ADCY9: variants seen among roughly 807,000 people sequenced by gnomAD.
ADCY9 encodes the protein adenylate cyclase type 9.
A neutral mutation model predicts 101.5 loss-of-function variants in ADCY9; 50 were observed. The observed-to-expected ratio is 0.49, with a 90% CI of 0.39 to 0.62. ADCY9 has a LOEUF of 0.62. Ranked by LOEUF, ADCY9 falls within the 20% of genes least tolerant of loss-of-function variation. The probability of loss-of-function intolerance (pLI) is 0.00; values close to 1 mark genes in which losing one functional copy is unlikely to be tolerated. For synonymous variants in ADCY9, 905 were observed against 769.3 expected, an observed-to-expected ratio of 1.18 and a Z score of -2.92; for missense variants, 1,662 against 1,800.4, an observed-to-expected ratio of 0.92 and a Z score of 1.39.
chr16:4,093,983 G>T (rs1055845158), intron 2 of ADCY9, among the ~76,000 whole-genome samples: 1 of 152,114 alleles, frequency 6.6e-6, no homozygotes, highest in Non-Finnish European at 1.5e-5. Flanking sequence ...CTGGAGCTAT[G>T]AAAGCAAACA....
intron 2 of ADCY9, among the ~76,000 whole-genome samples, chr16:4,022,381 C>T (rs1262236314): frequency 6.6e-6 from 1 of 151,050 alleles, no homozygotes; most frequent in Admixed American, 6.7e-5. Context: ...ATCACAGTTC[C>T]TCAGGAGGCT....
intron 2 of ADCY9, among the ~76,000 whole-genome samples, chr16:4,113,130 T>C (rs1469428362): frequency 1.3e-5 from 2 of 151,794 alleles, no homozygotes; most frequent in East Asian, 3.9e-4. Context: ...TAAAATATCC[T>C]TAAACAAATG....
downstream of ADCY9, among the ~76,000 whole-genome samples, chr16:3,957,778 C>T (rs983841567): frequency 6.6e-6 from 1 of 152,088 alleles, no homozygotes. Flanking sequence ...CCCCGGGCGT[C>T]CTGAGCAGAG....
At chr16:4,075,175 C>CTA (rs34498621) in intron 2 of ADCY9, among the ~76,000 whole-genome samples, 98,528 of 151,388 alleles carry the variant, frequency 0.65, 33,956 homozygotes, top group East Asian at 0.89. Flanking sequence ...AGACCTGTTA[C>CTA]TATATATATA....
rs575592904 is a variant in ADCY9 at position 3,973,689 on chromosome 16, C to T, written c.2870+980G>A. Reference sequence around the variant, plus strand: ...ACAATTTTTTGCCAAAACAGGATTTCGCTATGTTGCCCAGGCTGGTCTAGA... The same window carrying T: ...ACAATTTTTTGCCAAAACAGGATTTTGCTATGTTGCCCAGGCTGGTCTAGA... On this transcript the variant is annotated intron_variant, in intron 10 of 10. Coordinates refer to ENST00000294016, the MANE Select transcript of ADCY9 (RefSeq NM_001116.4). Among the ~76,000 whole-genome samples, 19 of 150,546 alleles carry T rather than the reference C, an allele frequency of 1.3e-4. No individual in the cohort carries two copies. The East Asian group carries it at 2.6e-3, about 20-fold the overall frequency.
chr16:4,063,746 A>T (rs1373466121), intron 2 of ADCY9, among the ~76,000 whole-genome samples: 1 of 151,780 alleles, frequency 6.6e-6, no homozygotes, highest in African/African-American at 2.4e-5. Flanking sequence ...TTTCCACCTT[A>T]AGAAACTATA....
rs142196348 is a variant in ADCY9, at chr16:4,051,169, C to T, written c.1694-43611G>A. Among the ~76,000 whole-genome samples, 13 of 151,790 alleles carry T rather than the reference C, an allele frequency of 8.6e-5. No individual in the cohort carries two copies. The South Asian group carries it at 1.7e-3, about 19-fold the overall frequency. The stretch of plus-strand genomic sequence containing the variant: ...CAGAGGTTTCAGTGAGCCATGATCA[C>T]GCCATTGCACTCCAGCCGGGGCAAC... On this transcript the variant is annotated intron_variant, in intron 2 of 10. Coordinates refer to ENST00000294016, the MANE Select transcript of ADCY9 (RefSeq NM_001116.4).
intron 2 of ADCY9, among the ~76,000 whole-genome samples, chr16:4,011,369 C>A (rs894051947): frequency 3.3e-5 from 5 of 151,926 alleles, no homozygotes; most frequent in Admixed American, 6.6e-5. Flanking sequence ...TCTGGGGCCA[C>A]GGGCAGCAGG....
intron 2 of ADCY9, among the ~76,000 whole-genome samples, chr16:4,097,129 C>T (rs2141194850): frequency 6.6e-6 from 1 of 152,184 alleles, no homozygotes; most frequent in East Asian, 1.9e-4. Context: ...CCCACATTTC[C>T]TGGGCCTCCC....
chr16:4,077,435 T>C (rs1211262182), intron 2 of ADCY9, among the ~76,000 whole-genome samples: 2 of 152,132 alleles, frequency 1.3e-5, no homozygotes, highest in Non-Finnish European at 1.5e-5. Flanking sequence ...ACTCAAGAAG[T>C]ACGCCAGCAT....
intron 2 of ADCY9, among the ~76,000 whole-genome samples, chr16:4,112,597 A>G (rs1483583006): frequency 6.6e-6 from 1 of 151,938 alleles, no homozygotes; most frequent in Non-Finnish European, 1.5e-5. Context: ...TACTTCTGCC[A>G]TCTCTGATTG....
intron 7 of ADCY9, among the ~76,000 whole-genome samples, chr16:3,980,927 T>C (rs74003488): frequency 0.047 from 7,168 of 152,212 alleles, 554 homozygotes; most frequent in African/African-American, 0.16. Context: ...GAGAGGGTGA[T>C]GCAGGAAGCC....
intron 8 of ADCY9, 21 bp from the exon 9 acceptor site, chr16:3,977,651 G>C: frequency 6.2e-7 from 1 of 1,602,304 alleles, no homozygotes; most frequent in Non-Finnish European, 8.5e-7. Context: ...CGAAGGGTTA[G>C]GACAGCCGCC....
chr16:4,040,958 C>A (rs1006338112), intron 2 of ADCY9, among the ~76,000 whole-genome samples: 1 of 152,000 alleles, frequency 6.6e-6, no homozygotes, highest in Admixed American at 6.6e-5. Flanking sequence ...GTGGAAACAG[C>A]AGGGCCACTA....
chr16:4,042,520 A>C (rs568099898), intron 2 of ADCY9, among the ~76,000 whole-genome samples: 1 of 152,308 alleles, frequency 6.6e-6, no homozygotes, highest in South Asian at 2.1e-4. Flanking sequence ...AATCTAGCTA[A>C]TTCTGTTAAA....
chr16:4,009,718 C>T (rs2056390909), intron 2 of ADCY9, among the ~76,000 whole-genome samples: 1 of 152,212 alleles, frequency 6.6e-6, no homozygotes, highest in Non-Finnish European at 1.5e-5. Flanking sequence ...GTGAAGCCAT[C>T]TTTATACTAA....
At position 3,963,674 on chromosome 16, in the gene ADCY9, C is replaced by A. The variant is rs759482994; in HGVS notation, c.*2101G>T. 3.8e-6 allele frequency: 1 copy of A among 260,580 alleles called. No individual in the cohort carries two copies. Among genetic ancestry groups the A allele is most frequent in the African/African-American group, 2.2e-5 (1 of 45,148 alleles). 16.1% of individuals were successfully genotyped at this position (260,580 alleles called of 1,614,324 possible). On this transcript the variant is annotated 3_prime_UTR_variant, in exon 11 of 11. Coordinates refer to ENST00000294016, the MANE Select transcript of ADCY9 (RefSeq NM_001116.4). ...AGAACTTTGCGGAGCATGTTCTGAG[C>A]GAGACAGCAAGGTCGTGAGCAAACG...
At chr16:4,011,298 C>A (rs2056402742) in intron 2 of ADCY9, among the ~76,000 whole-genome samples, 1 of 152,128 alleles carries the variant, frequency 6.6e-6, no homozygotes, top group African/African-American at 2.4e-5. Flanking sequence ...GAGGGAATGG[C>A]CAGGGCTGAG....
rs183803847 is a variant in ADCY9, at chr16:4,053,373, G to A, written c.1694-45815C>T. ...TAAGTTACCAGGTGCTTTCACAGTC[G>A]TTTTTTCAAATTCAGTCACTGAGAC... On this transcript the variant is annotated intron_variant, in intron 2 of 10. Coordinates refer to ENST00000294016, the MANE Select transcript of ADCY9 (RefSeq NM_001116.4). 6.1e-4 allele frequency among the ~76,000 whole-genome samples: 93 copies of A among 152,320 alleles called. 1 individual carries two copies. The Middle Eastern group carries it at 0.014, about 22-fold the overall frequency.
Sources: allele counts gnomAD v4.1 joint callset (sites outside exome capture counted in the v4.1 genomes callset), GRCh38; gene constraint gnomAD v4.1.1; transcripts MANE v1.5; gene names NCBI Gene and HGNC (gene_info 2026-07-23, HGNC 2026-07-21).